Variants in NALCN observed in about 807,000 individuals in gnomAD.
NALCN encodes the protein sodium leak channel NALCN.
In NALCN, 111 loss-of-function variants were observed where a neutral mutation model predicts 225.3. The observed-to-expected ratio is 0.49, with a 90% CI of 0.42 to 0.58. The LOEUF (loss-of-function observed/expected upper bound fraction) is 0.58. Ranked by LOEUF, NALCN falls within the 20% of genes least tolerant of loss-of-function variation. The pLI, the probability that NALCN is intolerant of heterozygous loss-of-function variation, is 0.00. For missense variants in NALCN, 1,378 were observed against 2,202.4 expected (o/e 0.63, Z 7.49); for synonymous variants, 764 against 769.0 (o/e 0.99, Z 0.11).
intron 13 of NALCN, among the ~76,000 whole-genome samples, chr13:101,194,406 T>C (rs545900145): frequency 5.9e-5 from 9 of 152,344 alleles, no homozygotes; most frequent in Admixed American, 5.2e-4. Flanking sequence ...TGCCAACAAA[T>C]ACTTCTATTA....
At chr13:101,334,329 T>G (rs939238475) in intron 7 of NALCN, among the ~76,000 whole-genome samples, 1 of 137,294 alleles carries the variant, frequency 7.3e-6, no homozygotes, top group African/African-American at 3.0e-5. Context: ...CTTACCTGAG[T>G]AGGTCCTGAC....
At chr13:101,178,661 T>G (rs1013600146) in intron 14 of NALCN, among the ~76,000 whole-genome samples, 10 of 152,164 alleles carry the variant, frequency 6.6e-5, no homozygotes, top group African/African-American at 2.2e-4. Context: ...TATGAGAAGT[T>G]TTAATTTTCC....
rs1396179135 is a variant in NALCN at position 101,107,478 on chromosome 13, T to C, written c.2579+9A>G. 2.5e-6 allele frequency: 4 copies of C among 1,613,966 alleles called. No homozygotes were observed. Among genetic ancestry groups the C allele is most frequent in the Non-Finnish European group, 3.4e-6 (4 of 1,179,904 alleles). ...GGCCAAACACCTGGCTGAAATGAAG[T>C]GTACTTACGCGTTGAAGCGTGCTCG... On this transcript the variant is annotated intron_variant, in intron 22 of 43. Coordinates refer to ENST00000251127, the MANE Select transcript of NALCN (RefSeq NM_052867.4).
intron 13 of NALCN, among the ~76,000 whole-genome samples, chr13:101,219,804 G>C (rs1355853315): frequency 1.3e-5 from 2 of 152,146 alleles, no homozygotes; most frequent in East Asian, 3.9e-4. Flanking sequence ...ATGGATAATA[G>C]TTGGTAGGAG....
At chr13:101,352,051 T>C (rs558769128) in intron 6 of NALCN, among the ~76,000 whole-genome samples, 2 of 152,324 alleles carry the variant, frequency 1.3e-5, no homozygotes, top group Admixed American at 1.3e-4. Flanking sequence ...GGGCACTTAA[T>C]TGTATTTGAA....
chr13:101,247,447 G>T (rs893954197), intron 11 of NALCN, among the ~76,000 whole-genome samples: 5 of 152,092 alleles, frequency 3.3e-5, no homozygotes, highest in African/African-American at 1.2e-4. Flanking sequence ...GAAAGTAGAA[G>T]TGATCATAGA....
intron 30 of NALCN, among the ~76,000 whole-genome samples, chr13:101,088,338 G>A (rs969708359): frequency 1.3e-5 from 2 of 152,096 alleles, no homozygotes; most frequent in Non-Finnish European, 2.9e-5. Context: ...AACACAAACT[G>A]AAGAGCTCTG....
intron 10 of NALCN, among the ~76,000 whole-genome samples, chr13:101,269,444 C>G (rs544883858): frequency 3.9e-4 from 60 of 152,256 alleles, no homozygotes; most frequent in African/African-American, 1.4e-3. Context: ...AATGTTGGTA[C>G]TGTTGACATA....
intron 26 of NALCN, among the ~76,000 whole-genome samples, chr13:101,101,615 G>C (rs2034826528): frequency 6.6e-6 from 1 of 152,128 alleles, no homozygotes; most frequent in South Asian, 2.1e-4. Context: ...GCACAAATGA[G>C]CGGGACAGTG....
chr13:101,149,100 T>C (rs1023445488), intron 15 of NALCN, among the ~76,000 whole-genome samples: 13 of 152,294 alleles, frequency 8.5e-5, no homozygotes, highest in Admixed American at 2.0e-4. Context: ...GAGACCATCC[T>C]GGCTAACACG....
intron 15 of NALCN, among the ~76,000 whole-genome samples, chr13:101,150,073 C>A (rs1371019627): frequency 9.6e-6 from 1 of 103,936 alleles, no homozygotes; most frequent in Non-Finnish European, 1.9e-5. Context: ...AATGAGTGAA[C>A]TACATCTCAG....
chr13:101,215,826 G>T (rs2040709953), intron 13 of NALCN, among the ~76,000 whole-genome samples: 1 of 151,978 alleles, frequency 6.6e-6, no homozygotes, highest in African/African-American at 2.4e-5. Flanking sequence ...TTTACATTAG[G>T]TATATCTCCT....
intron 6 of NALCN, among the ~76,000 whole-genome samples, chr13:101,364,249 T>C (rs868452366): frequency 4.6e-5 from 7 of 152,122 alleles, no homozygotes; most frequent in Admixed American, 3.3e-4. Flanking sequence ...GAAATCTATA[T>C]ATTTAAGAGA....
At chr13:101,177,047 G>A (rs1319179325) in intron 14 of NALCN, among the ~76,000 whole-genome samples, 1 of 152,188 alleles carries the variant, frequency 6.6e-6, no homozygotes, top group East Asian at 1.9e-4. Flanking sequence ...TGTGGAAGCA[G>A]GTGCTATGTT....
chr13:101,319,745 T>C (rs1029589522), intron 7 of NALCN, among the ~76,000 whole-genome samples: 3 of 152,184 alleles, frequency 2.0e-5, no homozygotes, highest in African/African-American at 7.2e-5. Context: ...ATATGTATAA[T>C]GAACAAACAA....
In NALCN at chr13:101,074,564, A is replaced by C; in HGVS notation, c.4053T>G (p.Phe1351Leu). The C allele has an allele frequency of 6.2e-7, 1 of 1,613,742 alleles. No homozygotes were observed. The highest frequency in any genetic ancestry group is 8.5e-7 in the Non-Finnish European group (1 of 1,179,970). Residue 1351 changes from phenylalanine (F) to leucine (L), a missense_variant, in exon 36 of 44, where the codon TTT (phenylalanine) becomes TTG (leucine). Phe to Leu is a conservative substitution (Grantham distance 22). Transcript: ENST00000251127. ...CAGTACCAAATAAAACAACTCCAGCAAAAGCGTAACACAGCAGCAAGAGAA... is the reference window on the plus strand; with the variant it reads ...CAGTACCAAATAAAACAACTCCAGCCAAAGCGTAACACAGCAGCAAGAGAA... ...GMFLLLLCYA[F>L]AGVVLFGTVK...
intron 11 of NALCN, among the ~76,000 whole-genome samples, chr13:101,251,285 C>A (rs964092539): frequency 2.6e-5 from 4 of 152,010 alleles, no homozygotes; most frequent in Non-Finnish European, 5.9e-5. Context: ...ATGCTTCAAT[C>A]GACATGAATC....
intron 7 of NALCN, among the ~76,000 whole-genome samples, chr13:101,326,982 G>A (rs2044977023): frequency 6.6e-6 from 1 of 152,182 alleles, no homozygotes; most frequent in African/African-American, 2.4e-5. Flanking sequence ...GAGCCGCAGG[G>A]CCTCGTGGGA....
chr13:101,300,831 G>A (rs1374020391), intron 7 of NALCN, among the ~76,000 whole-genome samples: 1 of 152,060 alleles, frequency 6.6e-6, no homozygotes, highest in African/African-American at 2.4e-5. Flanking sequence ...AAACATAAAA[G>A]GACTTTTTTA....
Sources: gnomAD v4.1 joint callset for allele counts (sites outside exome capture counted in the v4.1 genomes callset) on GRCh38, gnomAD v4.1.1 for gene constraint, MANE v1.5 for transcripts, NCBI Gene and HGNC (gene_info 2026-07-23, HGNC 2026-07-21) for gene names.